Variants in ZNF229 observed in about 807,000 individuals in gnomAD.
ZNF229 encodes zinc finger protein 229.
In ZNF229, 10 loss-of-function variants were observed where a neutral mutation model predicts 11.8. That is an observed-to-expected ratio of 0.85 (90% confidence interval 0.52 to 1.44). The LOEUF is 1.44. Ranked by LOEUF, ZNF229 falls within the 40% of genes most tolerant of loss-of-function variation. The pLI, the probability that ZNF229 is intolerant of heterozygous loss-of-function variation, is 0.00. For synonymous variants in ZNF229, 368 were observed against 374.8 expected, an observed-to-expected ratio of 0.98 and a Z score of 0.21; for missense variants, 1,045 against 1,015.1, an observed-to-expected ratio of 1.03 and a Z score of -0.40.
chr19:44,442,461 C>A, intron 4 of ZNF229, 102 bp downstream of exon 4: 1 of 1,127,700 alleles, frequency 8.9e-7, no homozygotes, highest in Non-Finnish European at 1.3e-6. Context: ...AATGTATTCA[C>A]CCAATACATT....
At chr19:44,442,486 C>A in intron 4 of ZNF229, 77 bp downstream of exon 4, 1 of 1,518,408 alleles carries the variant, frequency 6.6e-7, no homozygotes, top group South Asian at 1.2e-5. Context: ...GCTCTTTTTC[C>A]TTTTACCGAG....
chr19:44,429,402 G>C lies in ZNF229; in HGVS notation c.1379C>G (p.Pro460Arg). ...KHQHIHPGEKPYSCGECGKGF... is the reference protein window; with the variant it reads ...KHQHIHPGEKRYSCGECGKGF... ...CTTTCCACACTCGCCACAGCTGTAG[G>C]GCTTTTCTCCAGGGTGAATGTGCTG... The change falls in exon 6 of 6, where the codon CCC becomes CGC. Residue 460 changes from proline to arginine, a missense_variant. Transcript: ENST00000614049. 6.2e-7 allele frequency: 1 copy of C among 1,614,018 alleles called. No homozygotes were observed. Among genetic ancestry groups the C allele is most frequent in the African/African-American group, 1.3e-5 (1 of 74,942 alleles).
intron 4 of ZNF229, among the ~76,000 whole-genome samples, chr19:44,435,678 C>T (rs1971799986): frequency 1.3e-5 from 2 of 152,182 alleles, no homozygotes; most frequent in African/African-American, 4.8e-5. Context: ...AGTCCAGGTA[C>T]TGTATGCCAT....
chr19:44,429,787 G>A lies in ZNF229; in HGVS notation c.994C>T (p.Gln332Ter). ...GGGTGGTTACGTATGTGCGTGTTCT[G>A]TCTGACGCCCCGACCACGCTCAAGA... ...KSLERGRGVR[Q>*]NTHIRNHPRA... The change falls in exon 6 of 6, where the codon CAG becomes TAG. Residue 332 changes from glutamine to a stop codon, truncating the protein, a stop_gained. Transcript: ENST00000614049. LOFTEE classifies it low-confidence loss of function (END_TRUNC). The A allele has an allele frequency of 1.2e-6, 2 of 1,614,046 alleles. No homozygotes were observed. Among genetic ancestry groups the A allele is most frequent in the South Asian group, 1.1e-5 (1 of 91,086 alleles).
At chr19:44,435,043 C>T (rs562234158) in intron 4 of ZNF229, among the ~76,000 whole-genome samples, 3 of 152,286 alleles carry the variant, frequency 2.0e-5, no homozygotes, top group East Asian at 3.9e-4. Context: ...CCTTGCTCTT[C>T]CACCATGAGT....
In ZNF229 at chr19:44,428,921, C is replaced by A; in HGVS notation, c.1860G>T (p.Arg620Ser). The A allele has an allele frequency of 1.2e-6, 2 of 1,611,756 alleles. No individual in the cohort carries two copies. Among genetic ancestry groups the A allele is most frequent in the Non-Finnish European group, 1.7e-6 (2 of 1,179,442 alleles). Residue 620 changes from arginine (R) to serine (S), a missense_variant, in exon 6 of 6, where the codon AGG (arginine) becomes AGT (serine). Physicochemically the swap from Arg to Ser is moderately radical, Grantham distance 110. Coordinates refer to ENST00000614049, the MANE Select transcript of ZNF229 (RefSeq NM_014518.4). ...IYSSDLLIHQ[R>S]VHTGEKPYKC... Reference sequence around the variant, plus strand: ...TATAGGGTTTCTCTCCAGTGTGGACCCTCTGATGGATAAGGAGGTCGGAGC... The same window carrying A: ...TATAGGGTTTCTCTCCAGTGTGGACACTCTGATGGATAAGGAGGTCGGAGC...
chr19:44,429,026 T>C lies in ZNF229; in HGVS notation c.1755A>G (p.Ser585=), dbSNP rs2123333670. ...GGACCCTCTGGTGGCTGTGAAGGTC[T>C]GAATTCCGCCGGAAGCCCTTCCCAC... ...SECGKGFRRN[S]DLHSHQRVHT... The change falls in exon 6 of 6, where the codon TCA becomes TCG. Residue 585 remains serine, a synonymous_variant. Transcript: ENST00000614049. The C allele has an allele frequency of 1.2e-6, 2 of 1,613,014 alleles. No individual in the cohort carries two copies. Among genetic ancestry groups the C allele is most frequent in the Non-Finnish European group, 8.5e-7 (1 of 1,179,648 alleles).
At position 44,428,463 on chromosome 19, in the gene ZNF229, C is replaced by T. The variant is rs199614801; in HGVS notation, c.2318G>A (p.Cys773Tyr). The change falls in exon 6 of 6, where the codon TGT becomes TAT. Residue 773 changes from cysteine (C) to tyrosine (Y), a missense_variant. Coordinates refer to ENST00000614049, the MANE Select transcript of ZNF229 (RefSeq NM_014518.4). Reference sequence around the variant, plus strand: ...GGAGTTGCGGCCAAAGCCCTTCCCACACTCCTCACATTTATAGGGTTTCTC... The same window carrying T: ...GGAGTTGCGGCCAAAGCCCTTCCCATACTCCTCACATTTATAGGGTTTCTC... ...TGEKPYKCEE[C>Y]GKGFGRNSCL... The T allele has an allele frequency of 4.3e-6, 7 of 1,613,906 alleles. No individual in the cohort carries two copies. In the African/African-American group the frequency reaches 5.3e-5, roughly 12 times the overall value.
At position 44,442,988 on chromosome 19, in the gene ZNF229, C is replaced by T; in HGVS notation, c.-141G>A. ...TGACAAGTTCCTGTCTCCACCTTTA[C>T]TGTCCAGAGCGCGACTGCTTCCCAT... On this transcript the variant is annotated 5_prime_UTR_variant, in exon 3 of 6. Coordinates refer to ENST00000614049, the MANE Select transcript of ZNF229 (RefSeq NM_014518.4). 1.0e-6 allele frequency: 1 copy of T among 993,424 alleles called. No homozygotes were observed. The highest frequency in any genetic ancestry group is 1.5e-6 in the Non-Finnish European group (1 of 650,886). The allele number at this position is 993,424 out of a possible 1,614,324, so 61.5% of individuals were successfully genotyped here. A position where few individuals can be genotyped will look rare whatever the true frequency, so the allele number is the denominator to read the frequency against.
rs1275391345 is a variant in ZNF229 at position 44,429,348 on chromosome 19, C to T, written c.1433G>A (p.Ser478Asn). The T allele has an allele frequency of 2.5e-6, 4 of 1,613,952 alleles. No homozygotes were observed. The East Asian group carries it at 8.9e-5, about 36-fold the overall frequency. The change falls in exon 6 of 6, where the codon AGT becomes AAT. Residue 478 changes from serine (S) to asparagine (N), a missense_variant. Physicochemically the swap from Ser to Asn is conservative, Grantham distance 46 (BLOSUM62 1). Coordinates refer to ENST00000614049, the MANE Select transcript of ZNF229 (RefSeq NM_014518.4). ...KGFSCSSHLSSHQKTHTGERP... is the reference protein window; with the variant it reads ...KGFSCSSHLSNHQKTHTGERP... ...CTCGCCGGTGTGTGTCTTCTGATGA[C>T]TGCTGAGGTGGGAGCTGCAGCTGAA...
intron 5 of ZNF229, chr19:44,431,924 G>A (rs762989110): frequency 2.8e-5 from 18 of 654,498 alleles, no homozygotes; most frequent in Non-Finnish European, 3.5e-5. Context: ...AGAAATTAGT[G>A]TCCTTAGAAA....
In ZNF229 at chr19:44,442,606, G is replaced by C; in HGVS notation, c.50C>G (p.Ala17Gly). 6.2e-7 allele frequency: 1 copy of C among 1,614,110 alleles called. No homozygotes were observed. Among genetic ancestry groups the C allele is most frequent in the Non-Finnish European group, 8.5e-7 (1 of 1,180,018 alleles). ...CTCCCTATCTTGGGAAATGGCTGAG[G>C]CTTGAGAATGAAGAGCTGTAGGAGG... is the stretch of plus-strand genomic sequence containing the variant. The part of the protein sequence containing the change: ...RHEKRALHSQ[A>G]SAISQDREEK... The change falls in exon 4 of 6, where the codon GCC becomes GGC. Residue 17 changes from alanine (A) to glycine (G), a missense_variant. By Grantham distance (60) the Ala-to-Gly change is moderately conservative. Transcript: ENST00000614049.
At chr19:44,438,849 T>C (rs1156979036) in intron 4 of ZNF229, among the ~76,000 whole-genome samples, 1 of 152,196 alleles carries the variant, frequency 6.6e-6, no homozygotes, top group Non-Finnish European at 1.5e-5. Flanking sequence ...CTTTGCCCCA[T>C]GCATCTCTTC....
intron 5 of ZNF229, among the ~76,000 whole-genome samples, chr19:44,431,601 G>A (rs547590103): frequency 1.6e-4 from 24 of 152,214 alleles, no homozygotes; most frequent in African/African-American, 5.3e-4. Context: ...GAGAAGGTAG[G>A]AACTGAACGG....
At chr19:44,447,755 C>T (rs1427690178) in intron 1 of ZNF229, among the ~76,000 whole-genome samples, 155 bp from the exon 2 acceptor site, 1 of 152,166 alleles carries the variant, frequency 6.6e-6, no homozygotes, top group East Asian at 1.9e-4. Flanking sequence ...AAGAACCTCT[C>T]TTCCTACAGG....
chr19:44,440,967 C>T (rs921818482), intron 4 of ZNF229, among the ~76,000 whole-genome samples: 6 of 151,990 alleles, frequency 3.9e-5, no homozygotes, highest in Admixed American at 6.6e-5. Context: ...TCAAGTGATC[C>T]GCATGCCTCA....
chr19:44,435,748 C>T (rs778604138), intron 4 of ZNF229, among the ~76,000 whole-genome samples: 1 of 152,172 alleles, frequency 6.6e-6, no homozygotes, highest in East Asian at 1.9e-4. Flanking sequence ...AAAACTGGAT[C>T]TAAATTCTGA....
chr19:44,432,026 ACTATG>A, intron 5 of ZNF229, 191 bp downstream of exon 5: 1 of 1,154,928 alleles, frequency 8.7e-7, no homozygotes, highest in Non-Finnish European at 1.1e-6. Flanking sequence ...CCAGAACCCA[ACTATG>A]CTGGCACCCT....
intron 5 of ZNF229, 162 bp downstream of exon 5, chr19:44,432,060 C>T: frequency 7.4e-7 from 1 of 1,346,708 alleles, no homozygotes; most frequent in Non-Finnish European, 9.6e-7. Flanking sequence ...ACTGTGCCTT[C>T]CAGAAATAAA....
Sources: allele counts gnomAD v4.1 joint callset (sites outside exome capture counted in the v4.1 genomes callset), GRCh38; gene constraint gnomAD v4.1.1; transcripts MANE v1.5; gene names NCBI Gene and HGNC (gene_info 2026-07-23, HGNC 2026-07-21).